CAMK2D: variants seen among roughly 807,000 people sequenced by gnomAD.
CAMK2D encodes calcium/calmodulin dependent protein kinase II delta.
CAMK2D carries 37 observed loss-of-function variants against 84.0 expected under a neutral mutation model. The observed-to-expected ratio is 0.44, with a 90% CI of 0.34 to 0.58. The LOEUF is 0.58. CAMK2D is among the 20% of genes least tolerant of loss of function. The probability of loss-of-function intolerance (pLI) is 0.02; values close to 1 mark genes in which losing one functional copy is unlikely to be tolerated. For missense variants in CAMK2D, 448 were observed against 652.5 expected (o/e 0.69, Z 3.41); for synonymous variants, 202 against 212.5 (o/e 0.95, Z 0.43).
At chr4:113,746,967 T>C (rs1322685142) in intron 2 of CAMK2D, among the ~76,000 whole-genome samples, 1 of 144,656 alleles carries the variant, frequency 6.9e-6, no homozygotes, top group African/African-American at 2.6e-5. Flanking sequence ...AAAAAAAATC[T>C]ACCATTAATA....
chr4:113,478,876 A>AT (rs1222965234), intron 16 of CAMK2D, among the ~76,000 whole-genome samples: 17 of 151,826 alleles, frequency 1.1e-4, no homozygotes, highest in East Asian at 1.9e-4. Context: ...TTGGAGCAGG[A>AT]TTTTTTTTTC....
At chr4:113,499,540 T>A (rs2098000420) in intron 16 of CAMK2D, among the ~76,000 whole-genome samples, 5 of 152,196 alleles carry the variant, frequency 3.3e-5, no homozygotes. Context: ...TTACAAGACT[T>A]TATTGTATTA....
At chr4:113,527,033 T>C (rs2098423555) in intron 8 of CAMK2D, among the ~76,000 whole-genome samples, 1 of 152,090 alleles carries the variant, frequency 6.6e-6, no homozygotes, top group Non-Finnish European at 1.5e-5. Flanking sequence ...ACTTTGTGTC[T>C]CTGTGTCACA....
chr4:113,601,756 C>A (rs545315127), intron 4 of CAMK2D, among the ~76,000 whole-genome samples: 13 of 122,578 alleles, frequency 1.1e-4, no homozygotes, highest in Non-Finnish European at 1.6e-4. Context: ...AGTGCAGTGG[C>A]GTGATCACAG....
intron 4 of CAMK2D, among the ~76,000 whole-genome samples, chr4:113,578,467 C>A (rs557818583): frequency 6.6e-6 from 1 of 152,146 alleles, no homozygotes. Flanking sequence ...GTTTTTTATA[C>A]TGGAGACAAG....
intron 2 of CAMK2D, among the ~76,000 whole-genome samples, chr4:113,664,549 G>A (rs1353429028): frequency 6.6e-6 from 1 of 152,192 alleles, no homozygotes; most frequent in Non-Finnish European, 1.5e-5. Context: ...GCTGTTGGCT[G>A]GAGGATGCCC....
At chr4:113,656,939 A>C (rs2099203704) in intron 3 of CAMK2D, among the ~76,000 whole-genome samples, 1 of 152,144 alleles carries the variant, frequency 6.6e-6, no homozygotes, top group African/African-American at 2.4e-5. Flanking sequence ...AATCCTACGA[A>C]GTGATTTCCC....
intron 2 of CAMK2D, among the ~76,000 whole-genome samples, chr4:113,744,485 AC>A (rs1160022559): frequency 6.6e-6 from 1 of 151,876 alleles, no homozygotes; most frequent in East Asian, 1.9e-4. Context: ...TTTCCTTCAT[AC>A]CTTTCTGCCA....
intron 2 of CAMK2D, among the ~76,000 whole-genome samples, chr4:113,674,374 C>T (rs983059924): frequency 8.5e-5 from 13 of 152,234 alleles, no homozygotes; most frequent in African/African-American, 3.1e-4. Flanking sequence ...TTACCTTTTA[C>T]CCAGAATGCT....
At chr4:113,499,469 AC>A (rs998251817) in intron 16 of CAMK2D, among the ~76,000 whole-genome samples, 20 of 152,110 alleles carry the variant, frequency 1.3e-4, no homozygotes, top group African/African-American at 4.6e-4. Context: ...TCCTAAATTG[AC>A]CCCACGTCTC....
At chr4:113,513,968 TATA>T (rs1442960978) in intron 10 of CAMK2D, 55 bp from the exon 11 acceptor site, 1 of 769,824 alleles carries the variant, frequency 1.3e-6, no homozygotes, top group Non-Finnish European at 2.2e-6. Context: ...ACACACTAAG[TATA>T]ATAATGTCCC....
intron 2 of CAMK2D, among the ~76,000 whole-genome samples, chr4:113,742,468 G>A (rs1228248824): frequency 6.6e-6 from 1 of 151,190 alleles, no homozygotes; most frequent in Non-Finnish European, 1.5e-5. Context: ...GAGAAGAAAT[G>A]GGCAAAAGAA....
At chr4:113,599,643 T>G (rs2098943253) in intron 4 of CAMK2D, among the ~76,000 whole-genome samples, 1 of 152,294 alleles carries the variant, frequency 6.6e-6, no homozygotes, top group East Asian at 1.9e-4. Flanking sequence ...CCCCACAAAT[T>G]TAACTACTAA....
At chr4:113,760,958 C>T in intron 1 of CAMK2D, 46 bp downstream of exon 1, 1 of 1,613,512 alleles carries the variant, frequency 6.2e-7, no homozygotes, top group South Asian at 1.1e-5. Context: ...CGCGACCCGC[C>T]CTCAGCTGGA....
intron 8 of CAMK2D, among the ~76,000 whole-genome samples, chr4:113,526,305 A>G (rs1371753710): frequency 6.6e-6 from 1 of 152,142 alleles, no homozygotes; most frequent in Non-Finnish European, 1.5e-5. Flanking sequence ...CTGTTTGCAT[A>G]ATATTATGTG....
chr4:113,472,189 G>A (rs925709388), intron 16 of CAMK2D, among the ~76,000 whole-genome samples: 1 of 152,126 alleles, frequency 6.6e-6, no homozygotes, highest in African/African-American at 2.4e-5. Flanking sequence ...TTTATAGTCT[G>A]AACACCTAGT....
At chr4:113,718,132 TAG>T (rs772482508) in intron 2 of CAMK2D, among the ~76,000 whole-genome samples, 2 of 152,130 alleles carry the variant, frequency 1.3e-5, no homozygotes, top group East Asian at 1.9e-4. Flanking sequence ...GAAATTGCAA[TAG>T]AGAGTTTAAT....
chr4:113,626,116 G>A lies in CAMK2D; in HGVS notation c.221-16910C>T, dbSNP rs1337689131. Among the ~76,000 whole-genome samples the A allele has an allele frequency of 2.0e-5, 3 of 152,110 alleles. No homozygotes were observed. The East Asian group carries it at 5.8e-4, about 29-fold the overall frequency. ...ATTCTGAATACATTTTGAAAGTAGAGCAGACAGGAACTGCTGAGAGAGTGG... is the reference window on the plus strand; with the variant it reads ...ATTCTGAATACATTTTGAAAGTAGAACAGACAGGAACTGCTGAGAGAGTGG... On this transcript the variant is annotated intron_variant, in intron 3 of 20. Coordinates refer to ENST00000511664, the MANE Select transcript of CAMK2D (RefSeq NM_001321571.2).
chr4:113,600,870 A>G (rs912300158), intron 4 of CAMK2D, among the ~76,000 whole-genome samples: 1 of 152,190 alleles, frequency 6.6e-6, no homozygotes, highest in Non-Finnish European at 1.5e-5. Flanking sequence ...CCTAGGCTTA[A>G]GCAATCCTCC....
Sources: allele counts gnomAD v4.1 joint callset (sites outside exome capture counted in the v4.1 genomes callset), GRCh38; gene constraint gnomAD v4.1.1; transcripts MANE v1.5; gene names NCBI Gene and HGNC (gene_info 2026-07-23, HGNC 2026-07-21).